The following SIPA1L2 variants were observed in gnomAD, a reference collection of about 807,000 sequenced individuals.
SIPA1L2 encodes signal-induced proliferation-associated 1-like protein 2.
A neutral mutation model predicts 163.9 loss-of-function variants in SIPA1L2; 56 were observed. The observed-to-expected ratio is 0.34, with a 90% CI of 0.28 to 0.43. SIPA1L2 has a LOEUF of 0.43. Among genes scored for constraint, SIPA1L2 ranks in the 20% least tolerant of loss-of-function variants. SIPA1L2 has a pLI of 1.00. For synonymous variants in SIPA1L2, 877 were observed against 865.7 expected, an observed-to-expected ratio of 1.01 and a Z score of -0.23; for missense variants, 1,974 against 2,193.5, an observed-to-expected ratio of 0.90 and a Z score of 2.00.
At chr1:232,516,859 G>A (rs997792817) in intron 2 of SIPA1L2, among the ~76,000 whole-genome samples, 1 of 152,096 alleles carries the variant, frequency 6.6e-6, no homozygotes, top group African/African-American at 2.4e-5. Context: ...TATAGCTTTT[G>A]TTCAGAAGAG....
At chr1:232,412,711 C>A (rs1235662964) in intron 19 of SIPA1L2, among the ~76,000 whole-genome samples, 2 of 152,210 alleles carry the variant, frequency 1.3e-5, no homozygotes, top group African/African-American at 4.8e-5. Flanking sequence ...GGTACACATA[C>A]TCAACCAAAT....
rs1378513025 is a variant in SIPA1L2, at chr1:232,403,495, G to C, written c.4893C>G (p.Pro1631=). The part of the protein sequence containing the change: ...GQDLEGAQEL[P]LCVDPGSGKE... ...TGCCACTGCCTGGATCTACACATAA[G>C]GGCAGCTCTTGGGCCCCTTCCAGGT... Residue 1631 remains proline, a synonymous_variant, in exon 21 of 23, where the codon CCC becomes CCG. Coordinates refer to ENST00000674635, the MANE Select transcript of SIPA1L2 (RefSeq NM_020808.5). 1 of 1,614,062 alleles carries C rather than the reference G, an allele frequency of 6.2e-7. No homozygotes were observed. Among genetic ancestry groups the C allele is most frequent in the East Asian group, 2.2e-5 (1 of 44,872 alleles).
chr1:232,417,046 G>A (rs1364982894), intron 18 of SIPA1L2, among the ~76,000 whole-genome samples: 1 of 152,102 alleles, frequency 6.6e-6, no homozygotes, highest in African/African-American at 2.4e-5. Flanking sequence ...TGACTAATTA[G>A]ACCAATCAAA....
chr1:232,616,526 G>C (rs1174425922), intron 1 of SIPA1L2, among the ~76,000 whole-genome samples: 2 of 152,210 alleles, frequency 1.3e-5, no homozygotes, highest in Admixed American at 1.3e-4. Context: ...AGACCACTCA[G>C]GGCAATGCAG....
At chr1:232,447,542 A>T (rs1353402544) in intron 10 of SIPA1L2, among the ~76,000 whole-genome samples, 1 of 152,246 alleles carries the variant, frequency 6.6e-6, no homozygotes, top group Non-Finnish European at 1.5e-5. Context: ...GAATGGCTGA[A>T]CTTCAGTGGT....
intron 10 of SIPA1L2, among the ~76,000 whole-genome samples, chr1:232,450,565 C>T (rs1263201396): frequency 2.0e-5 from 3 of 152,220 alleles, no homozygotes; most frequent in Non-Finnish European, 4.4e-5. Flanking sequence ...ACATCAGGAA[C>T]TGTAACTGAC....
At chr1:232,561,150 C>T (rs1659012752) in intron 2 of SIPA1L2, among the ~76,000 whole-genome samples, 1 of 152,182 alleles carries the variant, frequency 6.6e-6, no homozygotes, top group Non-Finnish European at 1.5e-5. Flanking sequence ...TAATAGAAGA[C>T]AAAGTCAGTC....
intron 2 of SIPA1L2, among the ~76,000 whole-genome samples, chr1:232,550,854 T>C (rs1202654519): frequency 6.6e-6 from 1 of 152,044 alleles, no homozygotes; most frequent in African/African-American, 2.4e-5. Context: ...ATATTTTAAA[T>C]GGAAAAAAGG....
chr1:232,488,964 G>T (rs1572973510), intron 5 of SIPA1L2, among the ~76,000 whole-genome samples: 1 of 152,136 alleles, frequency 6.6e-6, no homozygotes, highest in Non-Finnish European at 1.5e-5. Context: ...GAGACTGATG[G>T]TTACATCAGT....
At chr1:232,526,372 G>A (rs919756879) in intron 2 of SIPA1L2, among the ~76,000 whole-genome samples, 1 of 144,616 alleles carries the variant, frequency 6.9e-6, no homozygotes, top group South Asian at 2.5e-4. Flanking sequence ...AACCGTTTTC[G>A]TGGAAGACAA....
chr1:232,434,150 T>C (rs1662413318), intron 15 of SIPA1L2, among the ~76,000 whole-genome samples: 1 of 152,172 alleles, frequency 6.6e-6, no homozygotes, highest in African/African-American at 2.4e-5. Flanking sequence ...GCTGTAAATA[T>C]AATCTTATTC....
intron 1 of SIPA1L2, among the ~76,000 whole-genome samples, chr1:232,627,230 G>A (rs74145310): frequency 1.1e-3 from 165 of 152,244 alleles, no homozygotes; most frequent in African/African-American, 3.9e-3. Context: ...ATGGTTGGGG[G>A]CAAGGGGCTG....
At chr1:232,516,376 A>T (rs1667220453) in intron 2 of SIPA1L2, among the ~76,000 whole-genome samples, 1 of 152,216 alleles carries the variant, frequency 6.6e-6, no homozygotes, top group Non-Finnish European at 1.5e-5. Flanking sequence ...ATTTGATAAT[A>T]GCCTAAACTG....
intron 18 of SIPA1L2, among the ~76,000 whole-genome samples, chr1:232,421,832 A>G (rs1380752403): frequency 1.3e-5 from 2 of 152,240 alleles, no homozygotes; most frequent in Non-Finnish European, 2.9e-5. Context: ...GTAGGTCAGA[A>G]CTATAGGATT....
At chr1:232,608,059 A>AAAAAAAAAC in intron 1 of SIPA1L2, among the ~76,000 whole-genome samples, 1 of 150,668 alleles carries the variant, frequency 6.6e-6, no homozygotes, top group Middle Eastern at 3.2e-3. Context: ...AAAAAAAAAA[A>AAAAAAAAAC]AAAAAAAAAA....
At chr1:232,540,212 G>A (rs902942947) in intron 2 of SIPA1L2, among the ~76,000 whole-genome samples, 1 of 152,134 alleles carries the variant, frequency 6.6e-6, no homozygotes, top group Non-Finnish European at 1.5e-5. Context: ...GCTGAGGCAG[G>A]AGAATCACTT....
At chr1:232,463,762 ATAAAC>A (rs1664365121) in intron 9 of SIPA1L2, among the ~76,000 whole-genome samples, 1 of 152,236 alleles carries the variant, frequency 6.6e-6, no homozygotes, top group Admixed American at 6.5e-5. Context: ...CTCTAGGTAT[ATAAAC>A]TAATCATTTA....
intron 1 of SIPA1L2, among the ~76,000 whole-genome samples, chr1:232,577,753 A>G (rs865915836): frequency 2.6e-5 from 4 of 152,216 alleles, no homozygotes; most frequent in African/African-American, 9.6e-5. Context: ...AGATCTGACT[A>G]AATTGCTACA....
chr1:232,559,641 A>T (rs1658918630), intron 2 of SIPA1L2, among the ~76,000 whole-genome samples: 1 of 152,252 alleles, frequency 6.6e-6, no homozygotes, highest in Non-Finnish European at 1.5e-5. Context: ...TTATAGAAAA[A>T]AGATGAAGAA....
Sources: gnomAD v4.1 joint callset for allele counts (sites outside exome capture counted in the v4.1 genomes callset) on GRCh38, gnomAD v4.1.1 for gene constraint, MANE v1.5 for transcripts, NCBI Gene and HGNC (gene_info 2026-07-23, HGNC 2026-07-21) for gene names.